SNTG2: variants seen among roughly 807,000 people sequenced by gnomAD.
SNTG2 encodes syntrophin gamma 2.
In SNTG2, 74 loss-of-function variants were observed where a neutral mutation model predicts 70.9. The ratio of observed to expected loss-of-function variants is 1.04; its 90% CI spans 0.86 to 1.27. The LOEUF (loss-of-function observed/expected upper bound fraction) is 1.27. Among genes scored for constraint, SNTG2 ranks in the 50% most tolerant of loss-of-function variants. The pLI is 0.00. For missense variants in SNTG2, 717 were observed against 690.7 expected, an observed-to-expected ratio of 1.04 and a Z score of -0.43; for synonymous variants, 278 against 273.8, an observed-to-expected ratio of 1.02 and a Z score of -0.15.
At chr2:1,016,665 G>C (rs1378614655) in intron 1 of SNTG2, among the ~76,000 whole-genome samples, 1 of 152,228 alleles carries the variant, frequency 6.6e-6, no homozygotes, top group Non-Finnish European at 1.5e-5. Context: ...ATGCTGAACA[G>C]GTTGGCCAAA....
chr2:1,090,082 G>A (rs1183924371), intron 2 of SNTG2, among the ~76,000 whole-genome samples: 1 of 152,026 alleles, frequency 6.6e-6, no homozygotes, highest in East Asian at 1.9e-4. Flanking sequence ...TTCAATTGTA[G>A]ATAAATGGAA....
chr2:1,339,590 T>TC (rs1659983158), intron 16 of SNTG2, among the ~76,000 whole-genome samples: 1 of 152,218 alleles, frequency 6.6e-6, no homozygotes, highest in Admixed American at 6.5e-5. Flanking sequence ...CTGCCAGTTT[T>TC]CCCTCAAATT....
At position 1,293,541 on chromosome 2, in the gene SNTG2, CTGG is replaced by C. The variant is rs1221427642; in HGVS notation, c.1285-14950_1285-14948del. On this transcript the variant is annotated intron_variant, in intron 14 of 16. Coordinates refer to ENST00000308624, the MANE Select transcript of SNTG2 (RefSeq NM_018968.4). ...CTAGTTTTACTGTGTTGTGTGAATTCTGGTGTGTTGTGTTTTTTATTTAGGTTA... is the reference window on the plus strand; with the variant it reads ...CTAGTTTTACTGTGTTGTGTGAATTCTGTGTTGTGTTTTTTATTTAGGTTA... 4.5e-3 allele frequency among the ~76,000 whole-genome samples: 676 copies of C among 151,758 alleles called. 6 individuals carry two copies. Among genetic ancestry groups the C allele is most frequent in the African/African-American group, 0.015 (634 of 41,382 alleles).
In SNTG2 at chr2:1,179,324, G is replaced by T. The variant is rs1161838619; in HGVS notation, c.591+6141G>T. Among the ~76,000 whole-genome samples, 7 of 152,008 alleles carry T rather than the reference G, an allele frequency of 4.6e-5. No individual in the cohort carries two copies. The East Asian group carries it at 1.4e-3, about 29-fold the overall frequency. ...TTCCTTCAGTTCTGCTCTGATTTTAGTTAGCCCAAAATCTCCTTAAGCTGA... is the reference window on the plus strand; with the variant it reads ...TTCCTTCAGTTCTGCTCTGATTTTATTTAGCCCAAAATCTCCTTAAGCTGA... On this transcript the variant is annotated intron_variant, in intron 8 of 16. Transcript: ENST00000308624.
intron 6 of SNTG2, among the ~76,000 whole-genome samples, chr2:1,155,991 GCC>G (rs1491362091): frequency 2.3e-4 from 35 of 152,168 alleles, no homozygotes; most frequent in Admixed American, 4.6e-4. Flanking sequence ...GCCAGGCCAG[GCC>G]AGGCCAGGAC....
At chr2:1,179,332 A>C (rs1400644984) in intron 8 of SNTG2, among the ~76,000 whole-genome samples, 6 of 152,118 alleles carry the variant, frequency 3.9e-5, no homozygotes, top group African/African-American at 7.2e-5. Flanking sequence ...TAGTTAGCCC[A>C]AAATCTCCTT....
intron 9 of SNTG2, among the ~76,000 whole-genome samples, chr2:1,222,119 C>CTGTCTCTG (rs1228556001): frequency 9.3e-6 from 1 of 107,674 alleles, no homozygotes; most frequent in African/African-American, 4.6e-5. Flanking sequence ...CTCTCTGTCT[C>CTGTCTCTG]TCTCTGTCTC....
intron 4 of SNTG2, among the ~76,000 whole-genome samples, chr2:1,127,201 C>A (rs561389515): frequency 6.6e-6 from 1 of 151,998 alleles, no homozygotes; most frequent in Admixed American, 6.5e-5. Context: ...TCTCCCAGCA[C>A]CATTTATTGA....
intron 1 of SNTG2, among the ~76,000 whole-genome samples, chr2:1,032,770 G>A (rs971331355): frequency 1.3e-5 from 2 of 150,028 alleles, no homozygotes; most frequent in African/African-American, 4.9e-5. Context: ...GTATTCCAAT[G>A]TACCTCATTG....
chr2:1,297,112 C>T (rs1013098881), intron 14 of SNTG2, among the ~76,000 whole-genome samples: 1 of 152,128 alleles, frequency 6.6e-6, no homozygotes, highest in Non-Finnish European at 1.5e-5. Flanking sequence ...CGAATTGCCC[C>T]GTTCTACTGG....
chr2:1,245,275 A>T lies in SNTG2; in HGVS notation c.889-2052A>T, dbSNP rs1677356261. On this transcript the variant is annotated intron_variant, in intron 11 of 16. Transcript: ENST00000308624. ...TAAAACTTAAAGTATAATAATAAAAAAAAAGGAAAAAAAAAAGAAATAAGT... is the reference window on the plus strand; with the variant it reads ...TAAAACTTAAAGTATAATAATAAAATAAAAGGAAAAAAAAAAGAAATAAGT... 2.0e-5 allele frequency among the ~76,000 whole-genome samples: 3 copies of T among 152,206 alleles called. No homozygotes were observed. The South Asian group carries it at 6.2e-4, about 32-fold the overall frequency.
At chr2:1,230,492 CCTG>C (rs1210466993) in intron 9 of SNTG2, among the ~76,000 whole-genome samples, 1 of 152,198 alleles carries the variant, frequency 6.6e-6, no homozygotes, top group Non-Finnish European at 1.5e-5. Context: ...CACCCTCTGT[CCTG>C]CCTGCTGCTG....
At chr2:1,086,602 A>G (rs1167831470) in intron 2 of SNTG2, among the ~76,000 whole-genome samples, 2 of 152,208 alleles carry the variant, frequency 1.3e-5, no homozygotes, top group African/African-American at 2.4e-5. Context: ...CATTCTCTCC[A>G]GCACAATCTA....
intron 11 of SNTG2, among the ~76,000 whole-genome samples, chr2:1,246,383 G>T (rs1239300061): frequency 6.6e-6 from 1 of 152,124 alleles, no homozygotes; most frequent in Non-Finnish European, 1.5e-5. Context: ...TCAGAAACAG[G>T]ATGCGCCCAT....
At chr2:1,188,200 A>G (rs1338536021) in intron 8 of SNTG2, among the ~76,000 whole-genome samples, 2 of 152,250 alleles carry the variant, frequency 1.3e-5, no homozygotes, top group African/African-American at 4.8e-5. Context: ...TATTGTTAAG[A>G]TACTTCACGA....
chr2:1,298,024 C>T (rs951739610), intron 14 of SNTG2, among the ~76,000 whole-genome samples: 11 of 152,284 alleles, frequency 7.2e-5, no homozygotes, highest in Admixed American at 4.6e-4. Context: ...CAAGGGGTGA[C>T]GGACAGAAGA....
In SNTG2 at chr2:1,086,155, A is replaced by G. The variant is rs547599116; in HGVS notation, c.210+2500A>G. Among the ~76,000 whole-genome samples the G allele has an allele frequency of 1.2e-4, 18 of 152,304 alleles. No individual in the cohort carries two copies. The South Asian group carries it at 3.7e-3, about 32-fold the overall frequency. On this transcript the variant is annotated intron_variant, in intron 2 of 16. Transcript: ENST00000308624. ...AAGACCACACAAGAAACAGACAACC[A>G]CAAGCAGCACCAACACAAACAGTGC... is the stretch of plus-strand genomic sequence containing the variant.
intron 1 of SNTG2, among the ~76,000 whole-genome samples, chr2:1,011,304 G>C (rs1001857891): frequency 6.6e-6 from 1 of 152,182 alleles, no homozygotes; most frequent in Non-Finnish European, 1.5e-5. Context: ...TGGTTACACA[G>C]ATAAGCTTTG....
intron 12 of SNTG2, among the ~76,000 whole-genome samples, chr2:1,254,581 A>C (rs961613819): frequency 2.6e-5 from 4 of 152,232 alleles, no homozygotes; most frequent in Non-Finnish European, 4.4e-5. Context: ...TGGAAAAAAT[A>C]ATTCAAATGA....
Sources: gnomAD v4.1 joint callset for allele counts (sites outside exome capture counted in the v4.1 genomes callset) on GRCh38, gnomAD v4.1.1 for gene constraint, MANE v1.5 for transcripts, NCBI Gene and HGNC (gene_info 2026-07-23, HGNC 2026-07-21) for gene names.